Variants in ZPBP observed in about 807,000 individuals in gnomAD.
The protein encoded by ZPBP is zona pellucida binding protein, also known as zona pellucida-binding protein 1.
A neutral mutation model predicts 44.8 loss-of-function variants in ZPBP; 26 were observed. The observed-to-expected ratio is 0.58, with a 90% CI of 0.43 to 0.81. The LOEUF (loss-of-function observed/expected upper bound fraction) is 0.81. Ranked by LOEUF, ZPBP falls within the 30% of genes least tolerant of loss-of-function variation. ZPBP has a pLI of 0.00. For missense variants in ZPBP, 409 were observed against 434.0 expected (o/e 0.94, Z 0.51); for synonymous variants, 174 against 153.2 (o/e 1.14, Z -1.00).
At chr7:49,876,789 G>C (rs1791429792) in intron 2 of ZPBP, among the ~76,000 whole-genome samples, 1 of 151,962 alleles carries the variant, frequency 6.6e-6, no homozygotes, top group Non-Finnish European at 1.5e-5. Flanking sequence ...TAATTAGCTT[G>C]AAAATGATTC....
At chr7:50,087,905 A>C (rs1802749712) in intron 2 of ZPBP, among the ~76,000 whole-genome samples, 2 of 152,042 alleles carry the variant, frequency 1.3e-5, no homozygotes, top group South Asian at 2.1e-4. Flanking sequence ...ATCTCAATAG[A>C]CTTTTTTGCA....
intron 7 of ZPBP, among the ~76,000 whole-genome samples, chr7:49,958,038 T>G (rs1350133720): frequency 6.6e-6 from 1 of 152,150 alleles, no homozygotes; most frequent in Admixed American, 6.5e-5. Flanking sequence ...CCTTGTTGGG[T>G]TTTGGACTTC....
chr7:50,071,941 G>A (rs1032999806), intron 3 of ZPBP, among the ~76,000 whole-genome samples: 1 of 152,184 alleles, frequency 6.6e-6, no homozygotes, highest in Non-Finnish European at 1.5e-5. Context: ...CTCAGCACAT[G>A]ACCAGCTGTG....
intron 6 of ZPBP, among the ~76,000 whole-genome samples, chr7:49,983,760 G>A (rs192887342): frequency 2.5e-3 from 374 of 151,760 alleles, no homozygotes; most frequent in African/African-American, 8.4e-3. Flanking sequence ...ATTTCTTTTT[G>A]GTCCCTTTGT....
chr7:50,052,450 C>T (rs977128762), intron 4 of ZPBP, among the ~76,000 whole-genome samples: 1 of 152,110 alleles, frequency 6.6e-6, no homozygotes, highest in Non-Finnish European at 1.5e-5. Flanking sequence ...AATTATAACA[C>T]CAATTGCTGG....
rs10279973 is a variant in ZPBP, at chr7:50,003,650, T to A, written c.783+14590A>T. On this transcript the variant is annotated intron_variant, in intron 6 of 7. Transcript: ENST00000046087. ...GGCCACTGACAGCAAAGGCAGGTGA[T>A]GTGGTGTGCTGGAACTGCAGAACAA... Among the ~76,000 whole-genome samples the A allele has an allele frequency of 4.8e-3, 730 of 152,264 alleles. 4 individuals are homozygous for A. Among genetic ancestry groups the A allele is most frequent in the African/African-American group, 0.017 (693 of 41,576 alleles).
intron 2 of ZPBP, among the ~76,000 whole-genome samples, chr7:49,882,699 A>G (rs748687816): frequency 5.9e-5 from 9 of 152,290 alleles, no homozygotes; most frequent in Non-Finnish European, 8.8e-5. Flanking sequence ...CTGGGTGTCA[A>G]TTGAAGAGAT....
intron 2 of ZPBP, among the ~76,000 whole-genome samples, chr7:49,887,865 A>C (rs1583758612): frequency 6.6e-6 from 1 of 152,334 alleles, no homozygotes; most frequent in African/African-American, 2.4e-5. Flanking sequence ...TACTGCACTT[A>C]ACCACCAGAC....
Position 49,937,457 on chromosome 7 carries a change from AATTT to A in ZPBP, c.*67_*70del. ...AAAATATGATTAATTTTGGCATAAT[AATTT>A]ATTATGTTAATATTTCAAATATATA... On this transcript the variant is annotated 3_prime_UTR_variant, in exon 8 of 8. Transcript: ENST00000046087. The A allele has an allele frequency of 8.5e-7, 1 of 1,170,170 alleles. No homozygotes were observed. The highest frequency in any genetic ancestry group is 1.3e-6 in the Non-Finnish European group (1 of 788,696). 72.5% of individuals were successfully genotyped at this position (1,170,170 alleles called of 1,614,324 possible).
At chr7:50,010,544 G>T (rs1205549347) in intron 6 of ZPBP, among the ~76,000 whole-genome samples, 1 of 152,086 alleles carries the variant, frequency 6.6e-6, no homozygotes, top group Non-Finnish European at 1.5e-5. Context: ...CAGTTGCACT[G>T]CTGTACGCCA....
intron 2 of ZPBP, among the ~76,000 whole-genome samples, chr7:49,867,289 C>T (rs1790937485): frequency 6.6e-6 from 1 of 152,112 alleles, no homozygotes; most frequent in South Asian, 2.1e-4. Context: ...AAGATTTTTT[C>T]ATTCCTGAAG....
At chr7:50,043,289 T>C (rs753012154) in intron 4 of ZPBP, among the ~76,000 whole-genome samples, 11 of 152,238 alleles carry the variant, frequency 7.2e-5, no homozygotes, top group Non-Finnish European at 1.5e-4. Context: ...CTCTCAGATC[T>C]GAAGGCTGTC....
chr7:49,901,244 A>G (rs1052490725), intron 1 of ZPBP: 13 of 152,030 alleles, frequency 8.6e-5, no homozygotes, highest in African/African-American at 2.4e-4. Flanking sequence ...AAGAAATAAA[A>G]TGTATACTGA....
chr7:49,893,206 T>A (rs1346094761), intron 2 of ZPBP, among the ~76,000 whole-genome samples: 2 of 152,132 alleles, frequency 1.3e-5, no homozygotes, highest in African/African-American at 2.4e-5. Flanking sequence ...ATAAATCAAC[T>A]TGAAAGGATT....
intron 7 of ZPBP, among the ~76,000 whole-genome samples, chr7:49,975,171 C>T (rs897925937): frequency 6.6e-6 from 1 of 152,152 alleles, no homozygotes; most frequent in Non-Finnish European, 1.5e-5. Context: ...TCAGTTCTGG[C>T]TATGGGAGCT....
chr7:50,093,180 G>T lies in ZPBP; in HGVS notation c.15C>A (p.Ala5=). Reference sequence around the variant, plus strand: ...GCCTGCCCCGCCGCGCTGGGCCAAGGGCGAAGGCCTCCATCCACACGCCGC... The same window carrying T: ...GCCTGCCCCGCCGCGCTGGGCCAAGTGCGAAGGCCTCCATCCACACGCCGC... The part of the protein sequence containing the change: MEAF[A]LGPARRGRRR... Residue 5 remains alanine, a synonymous_variant, in exon 1 of 8, where the codon GCC becomes GCA. Coordinates refer to ENST00000046087, the MANE Select transcript of ZPBP (RefSeq NM_007009.3). The T allele has an allele frequency of 6.5e-7, 1 of 1,532,946 alleles. No individual in the cohort carries two copies. The highest frequency in any genetic ancestry group is 8.8e-7 in the Non-Finnish European group (1 of 1,141,476). The allele number at this position is 1,532,946 out of a possible 1,614,324, so 95.0% of individuals were successfully genotyped here. A position where few individuals can be genotyped will look rare whatever the true frequency, so the allele number is the denominator to read the frequency against.
intron 2 of ZPBP, among the ~76,000 whole-genome samples, chr7:49,900,268 T>G (rs1468109364): frequency 2.6e-5 from 4 of 151,434 alleles, no homozygotes; most frequent in Non-Finnish European, 4.4e-5. Context: ...CTTTAGAAAC[T>G]AGAAAAAGAA....
At chr7:50,026,009 A>C (rs978025790) in intron 5 of ZPBP, among the ~76,000 whole-genome samples, 2 of 151,928 alleles carry the variant, frequency 1.3e-5, no homozygotes, top group African/African-American at 4.8e-5. Context: ...ACAGAAAAAT[A>C]GGTTAAAAGT....
chr7:49,941,478 T>C (rs904194064), intron 7 of ZPBP, among the ~76,000 whole-genome samples: 1 of 152,054 alleles, frequency 6.6e-6, no homozygotes, highest in Non-Finnish European at 1.5e-5. Context: ...TACACAAAAA[T>C]CAGTTATGTT....
Sources: allele counts gnomAD v4.1 joint callset (sites outside exome capture counted in the v4.1 genomes callset), GRCh38; gene constraint gnomAD v4.1.1; transcripts MANE v1.5; gene names NCBI Gene and HGNC (gene_info 2026-07-23, HGNC 2026-07-21).